Variants in AR observed in about 807,000 individuals in gnomAD.
The protein encoded by AR is androgen receptor, also known as dihydrotestosterone receptor.
Under a neutral mutation model 53.9 loss-of-function variants are expected in AR, and 8 were observed. The observed-to-expected ratio is 0.15, with a 90% CI of 0.09 to 0.27. The LOEUF is 0.27. Ranked by LOEUF, AR falls within the 10% of genes least tolerant of loss-of-function variation. The probability of loss-of-function intolerance (pLI) is 1.00; values close to 1 mark genes in which losing one functional copy is unlikely to be tolerated. For synonymous variants in AR, 359 were observed against 316.4 expected, an observed-to-expected ratio of 1.13 and a Z score of -1.43; for missense variants, 639 against 742.5, an observed-to-expected ratio of 0.86 and a Z score of 1.62.
intron 1 of AR, among the ~76,000 whole-genome samples, chrX:67,637,046 T>A (rs1049329816): frequency 4.5e-5 from 5 of 111,874 alleles, no homozygotes; most frequent in East Asian, 2.8e-4. Flanking sequence ...CTTGAAAAAA[T>A]TTTAACTGTA....
chrX:67,685,576 C>T (rs1363448273), intron 2 of AR, among the ~76,000 whole-genome samples: 1 of 111,396 alleles, frequency 9.0e-6, no homozygotes, highest in Non-Finnish European at 1.9e-5. Flanking sequence ...CTTATTAGCT[C>T]GAGTGTAATT....
chrX:67,616,645 C>A (rs986305569), intron 1 of AR, among the ~76,000 whole-genome samples: 20 of 111,236 alleles, frequency 1.8e-4, no homozygotes, highest in African/African-American at 5.5e-4. Flanking sequence ...CAGTTTAATT[C>A]TTTTTGCCAT....
intron 3 of AR, among the ~76,000 whole-genome samples, chrX:67,692,965 T>G (rs941007705): frequency 3.6e-5 from 4 of 112,578 alleles, no homozygotes; most frequent in Non-Finnish European, 7.5e-5. Flanking sequence ...GGAAAAGCTT[T>G]ATGTCTCTCT....
At chrX:67,612,871 G>A (rs768260583) in intron 1 of AR, among the ~76,000 whole-genome samples, 2 of 112,171 alleles carry the variant, frequency 1.8e-5, no homozygotes, top group African/African-American at 3.2e-5. Context: ...CAACCAAGAA[G>A]ATGGAGGCTT....
chrX:67,601,666 G>T (rs1423393632), intron 1 of AR, among the ~76,000 whole-genome samples: 1 of 112,159 alleles, frequency 8.9e-6, no homozygotes, highest in African/African-American at 3.2e-5. Flanking sequence ...GTTTATTTCA[G>T]ATTCATGTGT....
In AR at chrX:67,546,367, C is replaced by T. The variant is rs1929739624; in HGVS notation, c.1221C>T (p.Arg407=). ...SAWAAAAAQC[R]YGDLASLHGA... ...GGGCGGCTGCGGCGGCGCAGTGCCG[C>T]TATGGGGACCTGGCGAGCCTGCATG... The change falls in exon 1 of 8, where the codon CGC becomes CGT. Residue 407 remains arginine (R), a synonymous_variant. Transcript: ENST00000374690. 1 of 1,182,283 alleles carries T rather than the reference C, an allele frequency of 8.5e-7. No homozygotes were observed. The highest frequency in any genetic ancestry group is 1.9e-5 in the South Asian group (1 of 54,024).
chrX:67,715,464 C>T (rs1399533904), intron 4 of AR, among the ~76,000 whole-genome samples: 1 of 110,846 alleles, frequency 9.0e-6, no homozygotes, highest in East Asian at 2.9e-4. Context: ...AAGAAAAGAA[C>T]AGGGAAATGG....
chrX:67,679,317 C>T (rs2075919190), intron 2 of AR, among the ~76,000 whole-genome samples: 1 of 110,868 alleles, frequency 9.0e-6, no homozygotes, highest in Admixed American at 9.6e-5. Context: ...GAATATACTT[C>T]CAAGTGAAAA....
At chrX:67,593,840 C>T (rs1162232441) in intron 1 of AR, among the ~76,000 whole-genome samples, 1 of 111,762 alleles carries the variant, frequency 8.9e-6, no homozygotes, top group Non-Finnish European at 1.9e-5. Flanking sequence ...GAAATAAGTA[C>T]GGTTTTCATT....
chrX:67,705,351 AGGTC>A (rs2076061679), intron 3 of AR, among the ~76,000 whole-genome samples: 3 of 111,191 alleles, frequency 2.7e-5, no homozygotes, highest in African/African-American at 9.8e-5. Context: ...CTCCTTGAAG[AGGTC>A]CTTCACGTCC....
chrX:67,676,572 A>G (rs2075901388), intron 2 of AR, among the ~76,000 whole-genome samples: 1 of 111,841 alleles, frequency 8.9e-6, no homozygotes, highest in African/African-American at 3.2e-5. Flanking sequence ...TTTGTGTTTT[A>G]GTTGCAAGGT....
At chrX:67,576,880 T>A (rs1300885583) in intron 1 of AR, among the ~76,000 whole-genome samples, 2 of 110,538 alleles carry the variant, frequency 1.8e-5, no homozygotes, top group East Asian at 2.8e-4. Flanking sequence ...GGAAAAAAAA[T>A]TGGTGGTAAA....
chrX:67,645,691 C>T (rs192225389), intron 2 of AR, among the ~76,000 whole-genome samples: 124 of 110,531 alleles, frequency 1.1e-3, no homozygotes, highest in Non-Finnish European at 2.1e-3. Context: ...GATTTCAGTC[C>T]TGAGCCCTTT....
At chrX:67,720,084 G>A (rs765891183) in intron 5 of AR, among the ~76,000 whole-genome samples, 9 of 111,602 alleles carry the variant, frequency 8.1e-5, no homozygotes, top group African/African-American at 1.3e-4. Flanking sequence ...TATTATAATA[G>A]CACCTTTCTA....
chrX:67,660,661 C>T (rs774006331), intron 2 of AR, among the ~76,000 whole-genome samples: 170 of 111,459 alleles, frequency 1.5e-3, no homozygotes, highest in Middle Eastern at 4.6e-3. Flanking sequence ...GCCTCCAGCT[C>T]TGTTCTTTTG....
chrX:67,643,534 T>C, intron 2 of AR, 127 bp downstream of exon 2: 2 of 984,716 alleles, frequency 2.0e-6, no homozygotes, highest in Non-Finnish European at 1.4e-6. Context: ...CCCTATCAAA[T>C]AACTTAGGAG....
rs138122541 is a variant in AR at position 67,657,919 on chromosome X, C to G, written c.1768+14512C>G. Among the ~76,000 whole-genome samples, 3 of 111,508 alleles carry G rather than the reference C, an allele frequency of 2.7e-5. No individual in the cohort carries two copies. In the East Asian group the frequency reaches 8.5e-4, roughly 32 times the overall value. On this transcript the variant is annotated intron_variant, in intron 2 of 7. Transcript: ENST00000374690. ...ATTTCCACCATTGGAAATTCAGGGTCAAAACAGGGGTTTGGGATTGGAGCA... is the reference window on the plus strand; with the variant it reads ...ATTTCCACCATTGGAAATTCAGGGTGAAAACAGGGGTTTGGGATTGGAGCA...
chrX:67,722,055 C>T (rs2076138337), intron 6 of AR, 92 bp downstream of exon 6: 1 of 1,052,328 alleles, frequency 9.5e-7, no homozygotes, highest in African/African-American at 1.8e-5. Flanking sequence ...AGGGAAAAGC[C>T]AGCTCCTGGA....
chrX:67,677,763 G>GT (rs1404875118), intron 2 of AR, among the ~76,000 whole-genome samples: 25 of 111,411 alleles, frequency 2.2e-4, no homozygotes, highest in African/African-American at 6.5e-4. Context: ...TCTGAGTCAG[G>GT]TCTGTTCTGC....
Sources: allele counts gnomAD v4.1 joint callset (sites outside exome capture counted in the v4.1 genomes callset), GRCh38; gene constraint gnomAD v4.1.1; transcripts MANE v1.5; gene names NCBI Gene and HGNC (gene_info 2026-07-23, HGNC 2026-07-21).